Variants in BRIP1 observed in about 807,000 individuals in gnomAD.
BRIP1 encodes the protein BRCA1 interacting DNA helicase 1.
Under a neutral mutation model 119.7 loss-of-function variants are expected in BRIP1, and 88 were observed. That is an observed-to-expected ratio of 0.74 (90% CI 0.62 to 0.88). The LOEUF (loss-of-function observed/expected upper bound fraction) is 0.88, where lower values mean the gene tolerates loss of function less well. BRIP1 is among the 40% of genes least tolerant of loss of function. BRIP1 has a pLI of 0.00. For missense variants in BRIP1, 1,259 were observed against 1,455.4 expected (o/e 0.87, Z 2.20); for synonymous variants, 443 against 496.5 (o/e 0.89, Z 1.43).
At position 61,755,653 on chromosome 17, in the gene BRIP1, A is replaced by AG. The variant is rs2144796601; in HGVS notation, c.2098-11063_2098-11062insC. 6.6e-6 allele frequency among the ~76,000 whole-genome samples: 1 copy of AG among 152,312 alleles called. No individual in the cohort carries two copies. Among genetic ancestry groups the AG allele is most frequent in the East Asian group, 1.9e-4 (1 of 5,184 alleles). ...GGGGAAAGAAGGGTATGACTAAAAGACATGAGCAAACAGACTAGCTAGACT... is the reference window on the plus strand; with the variant it reads ...GGGGAAAGAAGGGTATGACTAAAAGAGCATGAGCAAACAGACTAGCTAGACT... On this transcript the variant is annotated intron_variant, in intron 14 of 19. Coordinates refer to ENST00000259008, the MANE Select transcript of BRIP1 (RefSeq NM_032043.3). This position sits in a 1 kb window ranked among gnomAD's most constrained non-coding sequence, Gnocchi z 4.5.
Position 61,760,104 on chromosome 17 carries a change from A to G in BRIP1, c.2098-15513T>C, listed in dbSNP as rs952989445. Among the ~76,000 whole-genome samples the G allele has an allele frequency of 6.6e-6, 1 of 152,132 alleles. No homozygotes were observed. The highest frequency in any genetic ancestry group is 1.5e-5 in the Non-Finnish European group (1 of 67,910). ...ATATCAAGTATCTTTGCTGGCCACAATGGTATAAAACTAGAAATGAGTAAC... is the reference window on the plus strand; with the variant it reads ...ATATCAAGTATCTTTGCTGGCCACAGTGGTATAAAACTAGAAATGAGTAAC... On this transcript the variant is annotated intron_variant, in intron 14 of 19. Transcript: ENST00000259008. The surrounding 1 kb of genome is among the most constrained non-coding windows in gnomAD (Gnocchi z 4.6).
chr17:61,681,226 C>T lies in BRIP1; in HGVS notation c.*2070G>A, dbSNP rs764258526. ...TCTGGCTGGGGACATAGCCAAACCA[C>T]GTCACCATCGTTCCCTAAATGTAAA... On this transcript the variant is annotated 3_prime_UTR_variant, in exon 20 of 20. Transcript: ENST00000259008. The surrounding 1 kb of genome is among the most constrained non-coding windows in gnomAD (Gnocchi z 5.1). The T allele has an allele frequency of 4.9e-4, 99 of 201,898 alleles. No homozygotes were observed. Among genetic ancestry groups the T allele is most frequent in the Non-Finnish European group, 8.4e-4 (83 of 98,402 alleles). 12.5% of individuals were successfully genotyped at this position (201,898 alleles called of 1,614,324 possible). A position where few individuals can be genotyped will look rare whatever the true frequency, so the allele number is the denominator to read the frequency against.
rs1024516030 is a variant in BRIP1, at chr17:61,742,497, A to G, written c.2379+516T>C. Among the ~76,000 whole-genome samples, 4 of 152,154 alleles carry G rather than the reference A, an allele frequency of 2.6e-5. No individual in the cohort carries two copies. Among genetic ancestry groups the G allele is most frequent in the Admixed American group, 1.3e-4 (2 of 15,266 alleles). On this transcript the variant is annotated intron_variant, in intron 16 of 19. Coordinates refer to ENST00000259008, the MANE Select transcript of BRIP1 (RefSeq NM_032043.3). The surrounding 1 kb of genome is among the most constrained non-coding windows in gnomAD (Gnocchi z 4.7). ...CTTAATCATGTCTCGCCTTTGATTT[A>G]AAGTAGGAAGCATGCAACACTTCCT... is the stretch of plus-strand genomic sequence containing the variant.
At position 61,847,954 on chromosome 17, in the gene BRIP1, A is replaced by G. The variant is rs567128082; in HGVS notation, c.508-734T>C. Among the ~76,000 whole-genome samples, 12 of 152,142 alleles carry G rather than the reference A, an allele frequency of 7.9e-5. No homozygotes were observed. The South Asian group carries it at 2.5e-3, about 32-fold the overall frequency. On this transcript the variant is annotated intron_variant, in intron 5 of 19. Coordinates refer to ENST00000259008, the MANE Select transcript of BRIP1 (RefSeq NM_032043.3). ...TCTATGAATACATTTTGTCGGGGGG[A>G]AATCTCTATAGGTTCACACCTCATT... is the stretch of plus-strand genomic sequence containing the variant.
At chr17:61,737,037 T>C (rs1305212171) in intron 16 of BRIP1, among the ~76,000 whole-genome samples, 1 of 152,082 alleles carries the variant, frequency 6.6e-6, no homozygotes, top group Admixed American at 6.5e-5. Flanking sequence ...GAGATTCAGA[T>C]GATAGTTATA....
At chr17:61,714,800 A>ATTTT (rs35246906) in intron 17 of BRIP1, among the ~76,000 whole-genome samples, 1 of 129,050 alleles carries the variant, frequency 7.7e-6, no homozygotes, top group African/African-American at 3.0e-5. Context: ...TGATTTGCTA[A>ATTTT]TTTTTTTTTT....
intron 6 of BRIP1, among the ~76,000 whole-genome samples, chr17:61,838,501 G>A (rs929303872): frequency 9.3e-5 from 14 of 151,296 alleles, no homozygotes; most frequent in Non-Finnish European, 1.8e-4. Flanking sequence ...AGCCGATCGC[G>A]CCACTGCACT....
In BRIP1 at chr17:61,861,524, AC is replaced by A; in HGVS notation, c.15del (p.Trp5CysfsTer9). 1 of 1,611,888 alleles carries A rather than the reference AC, an allele frequency of 6.2e-7. No homozygotes were observed. Among genetic ancestry groups the A allele is most frequent in the Non-Finnish European group, 8.5e-7 (1 of 1,178,068 alleles). On this transcript the variant is annotated frameshift_variant, in exon 2 of 20. Transcript: ENST00000259008. LOFTEE classifies it high-confidence loss of function. This position sits in a 1 kb window ranked among gnomAD's most constrained non-coding sequence, Gnocchi z 4.5. MSSM[W>X]SEYTIGGVKI... ...TTCACCCCACCAATTGTATATTCAG[AC>A]CACATTGAAGACATAGTGCTTTCCT...
In BRIP1 at chr17:61,822,345, G is replaced by A. The variant is rs2078338805; in HGVS notation, c.628-13588C>T. 6.6e-6 allele frequency among the ~76,000 whole-genome samples: 1 copy of A among 152,056 alleles called. No homozygotes were observed. The highest frequency in any genetic ancestry group is 1.5e-5 in the Non-Finnish European group (1 of 68,028). ...TACACAGAAAAGAAAACAATATACAGGGTAGAGATACTACCAAAAGGAGAA... is the reference window on the plus strand; with the variant it reads ...TACACAGAAAAGAAAACAATATACAAGGTAGAGATACTACCAAAAGGAGAA... On this transcript the variant is annotated intron_variant, in intron 6 of 19. Coordinates refer to ENST00000259008, the MANE Select transcript of BRIP1 (RefSeq NM_032043.3). This position sits in a 1 kb window ranked among gnomAD's most constrained non-coding sequence, Gnocchi z 4.4.
In BRIP1 at chr17:61,806,614, C is replaced by T. The variant is rs953662973; in HGVS notation, c.918+1853G>A. The stretch of plus-strand genomic sequence containing the variant: ...CAGCACTGTAGGATTCTAGGTTACA[C>T]AAAATGAAACTGTCTGCCTTCAATA... On this transcript the variant is annotated intron_variant, in intron 7 of 19. Transcript: ENST00000259008. The surrounding 1 kb of genome is among the most constrained non-coding windows in gnomAD (Gnocchi z 4.9). Among the ~76,000 whole-genome samples, 3 of 152,136 alleles carry T rather than the reference C, an allele frequency of 2.0e-5. No individual in the cohort carries two copies. The highest frequency in any genetic ancestry group is 1.3e-4 in the Admixed American group (2 of 15,282).
chr17:61,838,707 G>T (rs1180448566), intron 6 of BRIP1, among the ~76,000 whole-genome samples: 1 of 151,356 alleles, frequency 6.6e-6, no homozygotes, highest in Non-Finnish European at 1.5e-5. Flanking sequence ...TTATTACAAG[G>T]TCTAGATTAA....
intron 6 of BRIP1, among the ~76,000 whole-genome samples, chr17:61,812,938 A>G (rs1273288968): frequency 1.3e-5 from 2 of 152,138 alleles, no homozygotes; most frequent in African/African-American, 4.8e-5. Flanking sequence ...GTCAACTTCT[A>G]AAGATTTATA....
chr17:61,750,736 T>C (rs560872041), intron 14 of BRIP1, among the ~76,000 whole-genome samples: 1 of 145,078 alleles, frequency 6.9e-6, no homozygotes, highest in African/African-American at 2.5e-5. Context: ...CCAAAGGACA[T>C]GAAAAGATGC....
At chr17:61,813,885 C>T (rs1311158223) in intron 6 of BRIP1, among the ~76,000 whole-genome samples, 2 of 152,020 alleles carry the variant, frequency 1.3e-5, no homozygotes, top group Middle Eastern at 3.4e-3. Context: ...GAGTTTATCA[C>T]ACCATTTTCA....
intron 6 of BRIP1, among the ~76,000 whole-genome samples, chr17:61,818,154 A>G (rs771977219): frequency 3.3e-4 from 43 of 130,740 alleles, no homozygotes; most frequent in Non-Finnish European, 2.8e-4. Flanking sequence ...GGAGTTCGAG[A>G]CCAGCCTGGG....
At position 61,843,131 on chromosome 17, in the gene BRIP1, A is replaced by G. The variant is rs146661639; in HGVS notation, c.627+3970T>C. Among the ~76,000 whole-genome samples, 172 of 152,338 alleles carry G rather than the reference A, an allele frequency of 1.1e-3. 4 individuals carry two copies. The East Asian group carries it at 0.032, about 28-fold the overall frequency. On this transcript the variant is annotated intron_variant, in intron 6 of 19. Transcript: ENST00000259008. The surrounding 1 kb of genome is among the most constrained non-coding windows in gnomAD (Gnocchi z 5.7). ...TCAGATGTAGAAGGAAAAATACTAC[A>G]TGATCTCACTTATACGTGGAATCTA...
rs1359343487 is a variant in BRIP1, at chr17:61,690,897, A to T, written c.2575+2533T>A. On this transcript the variant is annotated intron_variant, in intron 18 of 19. Transcript: ENST00000259008. This position sits in a 1 kb window ranked among gnomAD's most constrained non-coding sequence, Gnocchi z 5.6. ...CTTGCAATTCTATACACTAAAAACA[A>T]CCAAAAGAGGAATGTAAGAAAACAA... is the stretch of plus-strand genomic sequence containing the variant. Among the ~76,000 whole-genome samples, 1 of 152,206 alleles carries T rather than the reference A, an allele frequency of 6.6e-6. No individual in the cohort carries two copies. The highest frequency in any genetic ancestry group is 1.5e-5 in the Non-Finnish European group (1 of 68,042).
chr17:61,793,146 G>T lies in BRIP1; in HGVS notation c.1473+451C>A, dbSNP rs1442973668. Reference sequence around the variant, plus strand: ...CTCTATTTAGAAAAATGTACAAAAGGATACGCTCATAAAATTTTGCATATA... The same window carrying T: ...CTCTATTTAGAAAAATGTACAAAAGTATACGCTCATAAAATTTTGCATATA... On this transcript the variant is annotated intron_variant, in intron 10 of 19. Coordinates refer to ENST00000259008, the MANE Select transcript of BRIP1 (RefSeq NM_032043.3). The surrounding 1 kb of genome is among the most constrained non-coding windows in gnomAD (Gnocchi z 5.2). Among the ~76,000 whole-genome samples, 1 of 151,922 alleles carries T rather than the reference G, an allele frequency of 6.6e-6. No homozygotes were observed. Among genetic ancestry groups the T allele is most frequent in the East Asian group, 1.9e-4 (1 of 5,188 alleles).
intron 16 of BRIP1, among the ~76,000 whole-genome samples, chr17:61,727,157 C>G (rs2076776720): frequency 6.6e-6 from 1 of 152,090 alleles, no homozygotes; most frequent in South Asian, 2.1e-4. Flanking sequence ...CAAGATTGCT[C>G]ATGGAAGAGG....
Sources: allele counts gnomAD v4.1 joint callset (sites outside exome capture counted in the v4.1 genomes callset), GRCh38; gene constraint gnomAD v4.1.1; non-coding constraint Gnocchi (gnomAD v3.1); transcripts MANE v1.5; gene names NCBI Gene and HGNC (gene_info 2026-07-23, HGNC 2026-07-21).